Variants in SMYD3 observed in about 807,000 individuals in gnomAD.
SMYD3 encodes the protein histone-lysine N-methyltransferase SMYD3.
SMYD3 carries 36 observed loss-of-function variants against 57.7 expected under a neutral mutation model. The observed-to-expected ratio is 0.62, with a 90% CI of 0.48 to 0.82. The LOEUF is 0.82. Ranked by LOEUF, SMYD3 falls within the 40% of genes least tolerant of loss-of-function variation. The pLI, the probability that SMYD3 is intolerant of heterozygous loss-of-function variation, is 0.00. For missense variants in SMYD3, 515 were observed against 538.8 expected (o/e 0.96, Z 0.44); for synonymous variants, 211 against 195.0 (o/e 1.08, Z -0.68).
chr1:245,821,240 C>A (rs2049139427), intron 10 of SMYD3, among the ~76,000 whole-genome samples: 1 of 147,560 alleles, frequency 6.8e-6, no homozygotes, highest in Non-Finnish European at 1.5e-5. Context: ...AGAAATAACG[C>A]CACATATCTA....
In SMYD3 at chr1:246,283,926, G is replaced by A. The variant is rs550039278; in HGVS notation, c.531+43275C>T. The stretch of plus-strand genomic sequence containing the variant: ...ATAACTGATTTCAAAATAACAAAAG[G>A]AAGTCAAGCATTTAAATGTAGCACA... On this transcript the variant is annotated intron_variant, in intron 5 of 11. Transcript: ENST00000490107. Among the ~76,000 whole-genome samples, 25 of 152,194 alleles carry A rather than the reference G, an allele frequency of 1.6e-4. No homozygotes were observed. In the South Asian group the frequency reaches 5.2e-3, roughly 32 times the overall value.
At chr1:246,044,537 C>T (rs6426267) in intron 5 of SMYD3, among the ~76,000 whole-genome samples, 70,627 of 151,800 alleles carry the variant, frequency 0.47, 17,861 homozygotes, top group East Asian at 0.8. Context: ...AGTCAGGCTC[C>T]GTCTCATGCT....
At chr1:246,016,211 G>A (rs922610219) in intron 5 of SMYD3, among the ~76,000 whole-genome samples, 2 of 151,220 alleles carry the variant, frequency 1.3e-5, no homozygotes, top group African/African-American at 4.9e-5. Context: ...AGGCCAGCCT[G>A]GGCCACACAG....
Position 246,468,160 on chromosome 1 carries a change from T to TA in SMYD3, c.164+38893dup, listed in dbSNP as rs58291905. Among the ~76,000 whole-genome samples, 379 of 130,432 alleles carry TA rather than the reference T, an allele frequency of 2.9e-3. 4 individuals carry two copies. The highest frequency in any genetic ancestry group is 0.013 in the Middle Eastern group (3 of 240). The allele number at this position is 130,432 out of a possible 152,430, so 85.6% of individuals were successfully genotyped here. On this transcript the variant is annotated intron_variant, in intron 1 of 11. Coordinates refer to ENST00000490107, the MANE Select transcript of SMYD3 (RefSeq NM_001167740.2). ...TGGGCAACAGAACAAGACTCTGTCT[T>TA]AAAAAAAAAAAAAAAAGATAATTCA...
chr1:246,141,186 A>G (rs1026534696), intron 5 of SMYD3, among the ~76,000 whole-genome samples: 2 of 152,210 alleles, frequency 1.3e-5, no homozygotes, highest in African/African-American at 2.4e-5. Context: ...GAGCTAATAC[A>G]TAAGGGAGCA....
rs117947158 is a variant in SMYD3, at chr1:245,807,353, A to G, written c.1077-43204T>C. Reference sequence around the variant, plus strand: ...GCAAACGCGTTTTTACCAACAAAGAAAAAAAAAAGGTTGGAGAGGAAGAAG... The same window carrying G: ...GCAAACGCGTTTTTACCAACAAAGAGAAAAAAAAGGTTGGAGAGGAAGAAG... On this transcript the variant is annotated intron_variant, in intron 10 of 11. Coordinates refer to ENST00000490107, the MANE Select transcript of SMYD3 (RefSeq NM_001167740.2). Among the ~76,000 whole-genome samples, 532 of 151,176 alleles carry G rather than the reference A, an allele frequency of 3.5e-3. 12 individuals are homozygous for G. The East Asian group carries it at 0.051, about 15-fold the overall frequency.
intron 10 of SMYD3, among the ~76,000 whole-genome samples, chr1:245,845,679 C>G (rs956237371): frequency 1.3e-5 from 2 of 152,232 alleles, no homozygotes; most frequent in African/African-American, 2.4e-5. Flanking sequence ...AGAACCTGCT[C>G]TTGCAAAGCT....
At chr1:246,452,493 C>T (rs896421064) in intron 1 of SMYD3, among the ~76,000 whole-genome samples, 2 of 151,820 alleles carry the variant, frequency 1.3e-5, no homozygotes, top group Admixed American at 6.6e-5. Flanking sequence ...ACCAAGACTC[C>T]GTTTCAAAAA....
At chr1:245,876,629 G>T (rs2052500916) in intron 8 of SMYD3, among the ~76,000 whole-genome samples, 1 of 152,242 alleles carries the variant, frequency 6.6e-6, no homozygotes, top group East Asian at 1.9e-4. Context: ...GACCAAGTCT[G>T]TGGCACTACG....
intron 5 of SMYD3, among the ~76,000 whole-genome samples, chr1:246,162,500 T>C (rs73141367): frequency 0.015 from 2,278 of 152,324 alleles, 54 homozygotes; most frequent in African/African-American, 0.053. Flanking sequence ...TCTTGAATCA[T>C]TTAAAATTCT....
intron 11 of SMYD3, among the ~76,000 whole-genome samples, chr1:245,751,606 G>A (rs138695495): frequency 0.04 from 4,154 of 103,682 alleles, 166 homozygotes; most frequent in East Asian, 0.19. Context: ...GAGAGAGAGA[G>A]AAAGAGAGAG....
At chr1:246,161,774 T>G (rs59285308) in intron 5 of SMYD3, among the ~76,000 whole-genome samples, 34,660 of 152,024 alleles carry the variant, frequency 0.23, 4,624 homozygotes, top group African/African-American at 0.34. Context: ...GAACATGTCT[T>G]CCCAAGTCCT....
chr1:246,059,141 G>A (rs10924476), intron 5 of SMYD3, among the ~76,000 whole-genome samples: 25,943 of 152,156 alleles, frequency 0.17, 2,731 homozygotes, highest in East Asian at 0.39. Flanking sequence ...CTCCCAAAGT[G>A]CTGGGATTAA....
At chr1:245,990,913 G>C (rs1339557732) in intron 5 of SMYD3, among the ~76,000 whole-genome samples, 2 of 149,862 alleles carry the variant, frequency 1.3e-5, no homozygotes, top group African/African-American at 4.9e-5. Flanking sequence ...CCACTAACTG[G>C]CATCTACACT....
intron 11 of SMYD3, among the ~76,000 whole-genome samples, chr1:245,756,061 T>C (rs2045590435): frequency 2.7e-5 from 4 of 149,580 alleles, no homozygotes; most frequent in South Asian, 4.2e-4. Flanking sequence ...TATTACTTTA[T>C]ATAGTTTTGT....
intron 5 of SMYD3, among the ~76,000 whole-genome samples, chr1:246,170,332 T>A (rs1409770546): frequency 6.6e-6 from 1 of 151,896 alleles, no homozygotes; most frequent in African/African-American, 2.4e-5. Context: ...GTTTCCATAT[T>A]ACTAAATATG....
At chr1:246,118,009 T>C (rs2061368307) in intron 5 of SMYD3, among the ~76,000 whole-genome samples, 1 of 152,094 alleles carries the variant, frequency 6.6e-6, no homozygotes, top group African/African-American at 2.4e-5. Context: ...AACTGTGTAA[T>C]GCTGATAATG....
rs182438267 is a variant in SMYD3, at chr1:246,423,610, A to G, written c.165-68516T>C. ...CAGCTACCCAGGAGCCTGAGGCAGG[A>G]GGATTGCTTGAGGCCAGGAGTTTAA... On this transcript the variant is annotated intron_variant, in intron 1 of 11. Coordinates refer to ENST00000490107, the MANE Select transcript of SMYD3 (RefSeq NM_001167740.2). 4.9e-3 allele frequency among the ~76,000 whole-genome samples: 739 copies of G among 152,320 alleles called. 8 individuals carry two copies. Among genetic ancestry groups the G allele is most frequent in the Admixed American group, 0.011 (161 of 15,308 alleles).
chr1:246,072,673 G>A (rs867758008), intron 5 of SMYD3, among the ~76,000 whole-genome samples: 1 of 152,202 alleles, frequency 6.6e-6, no homozygotes, highest in Non-Finnish European at 1.5e-5. Context: ...TTCCAGAGGA[G>A]ATTAGTACAT....
Sources: allele counts gnomAD v4.1 joint callset (sites outside exome capture counted in the v4.1 genomes callset), GRCh38; gene constraint gnomAD v4.1.1; transcripts MANE v1.5; gene names NCBI Gene and HGNC (gene_info 2026-07-23, HGNC 2026-07-21).